COL6A6: variants seen among roughly 807,000 people sequenced by gnomAD.
The protein encoded by COL6A6 is collagen alpha-6(VI) chain.
A neutral mutation model predicts 208.6 loss-of-function variants in COL6A6; 183 were observed. That is an observed-to-expected ratio of 0.88 (90% confidence interval 0.78 to 0.99). The LOEUF is 0.99. Among genes scored for constraint, COL6A6 ranks in the 50% least tolerant of loss-of-function variants. The pLI is 0.00. For synonymous variants in COL6A6, 973 were observed against 1,011.8 expected (o/e 0.96, Z 0.73); for missense variants, 2,816 against 2,815.2 (o/e 1.00, Z -0.01).
intron 31 of COL6A6, among the ~76,000 whole-genome samples, chr3:130,644,063 T>C (rs969204604): frequency 6.6e-6 from 1 of 152,152 alleles, no homozygotes; most frequent in Admixed American, 6.5e-5. Flanking sequence ...TATTTTAAAA[T>C]TTAAGGGACT....
rs2065935049 is a variant in COL6A6 at position 130,661,675 on chromosome 3, C to G, written c.5869C>G (p.Pro1957Ala). 1 of 1,613,580 alleles carries G rather than the reference C, an allele frequency of 6.2e-7. No homozygotes were observed. Among genetic ancestry groups the G allele is most frequent in the African/African-American group, 1.3e-5 (1 of 74,920 alleles). Reference sequence around the variant, plus strand: ...AGATGCTTCTTGTGACCAAGCCAGACCACCCCCTGTGCAGTCTTACATGGA... The same window carrying G: ...AGATGCTTCTTGTGACCAAGCCAGAGCACCCCCTGTGCAGTCTTACATGGA... ...KPDASCDQAR[P>A]PPVQSYMDAA... is the part of the protein sequence containing the mutation. The change falls in exon 35 of 37, where the codon CCA (proline) becomes GCA (alanine). Residue 1957 changes from proline (P) to alanine (A), a missense_variant. Transcript: ENST00000358511.
chr3:130,643,200 A>G (rs991879568), intron 31 of COL6A6, among the ~76,000 whole-genome samples, 177 bp downstream of exon 31: 1 of 152,220 alleles, frequency 6.6e-6, no homozygotes, highest in Non-Finnish European at 1.5e-5. Flanking sequence ...GGTTGCTATC[A>G]TGTCTATTGA....
At position 130,657,127 on chromosome 3, in the gene COL6A6, C is replaced by T. The variant is rs1000128798; in HGVS notation, c.5734-1549C>T. ...GGGTCTGGAGCCACAGCTGGATGGC[C>T]GCAGCTGCATTCAAGGAGCAGGAGG... On this transcript the variant is annotated intron_variant, in intron 33 of 36. Transcript: ENST00000358511. Among the ~76,000 whole-genome samples, 7 of 152,244 alleles carry T rather than the reference C, an allele frequency of 4.6e-5. No homozygotes were observed. The East Asian group carries it at 9.6e-4, about 21-fold the overall frequency.
chr3:130,583,659 G>C (rs1271775116), intron 10 of COL6A6, among the ~76,000 whole-genome samples: 2 of 152,164 alleles, frequency 1.3e-5, no homozygotes, highest in Non-Finnish European at 2.9e-5. Context: ...CTAGTTCTTT[G>C]AAAGTGACCA....
In COL6A6 at chr3:130,563,161, T is replaced by G. The variant is rs188822314; in HGVS notation, c.158T>G (p.Met53Arg). Residue 53 changes from methionine to arginine, a missense_variant, in exon 3 of 37, where the codon ATG becomes AGG. By Grantham distance (91) the Met-to-Arg change is moderately conservative. Transcript: ENST00000358511. ...FPFVKMFITK[M>R]ISSLPIEADK... ...TTTGTGAAAATGTTCATCACCAAAATGATCAGCAGTCTCCCCATAGAGGCC... is the reference window on the plus strand; with the variant it reads ...TTTGTGAAAATGTTCATCACCAAAAGGATCAGCAGTCTCCCCATAGAGGCC... 8.1e-6 allele frequency: 13 copies of G among 1,614,016 alleles called. No homozygotes were observed. The Admixed American group carries it at 2.2e-4, about 27-fold the overall frequency.
At chr3:130,598,775 G>A (rs1576301539) in intron 19 of COL6A6, among the ~76,000 whole-genome samples, 3 of 152,146 alleles carry the variant, frequency 2.0e-5, no homozygotes, top group Admixed American at 6.5e-5. Context: ...CCAGTATCTG[G>A]AGGTAACATA....
At chr3:130,634,214 TA>T (rs1354015565) in intron 26 of COL6A6, among the ~76,000 whole-genome samples, 2 of 26,802 alleles carry the variant, frequency 7.5e-5, no homozygotes, top group Admixed American at 7.6e-4. Context: ...AAAAAAAAAA[TA>T]AATAAATAAA....
chr3:130,586,679 G>C lies in COL6A6; in HGVS notation c.4125+19G>C. ...GCAGCTGGTAAGTTATTCTGAAAAG[G>C]CTGGTGAGCTTAAATTTTCAATTAT... On this transcript the variant is annotated intron_variant, in intron 11 of 36. Transcript: ENST00000358511. 1.3e-6 allele frequency: 2 copies of C among 1,595,930 alleles called. No homozygotes were observed. Among genetic ancestry groups the C allele is most frequent in the Non-Finnish European group, 1.7e-6 (2 of 1,173,828 alleles).
chr3:130,593,112 CCT>C lies in COL6A6; in HGVS notation c.4416+8_4416+9del. 2.5e-6 allele frequency: 4 copies of C among 1,613,126 alleles called. No homozygotes were observed. The highest frequency in any genetic ancestry group is 3.4e-6 in the Non-Finnish European group (4 of 1,179,154). ...CGGATTAAACGGAGAACAGGTAGAG[CCT>C]TCTTGTACCATAGAGACCCTTCTGA... On this transcript the variant is annotated splice_region_variant and intron_variant, in intron 16 of 36. Coordinates refer to ENST00000358511, the MANE Select transcript of COL6A6 (RefSeq NM_001102608.3).
rs2066346613 is a variant in COL6A6, at chr3:130,675,853, G to A, written c.*456G>A. 6.6e-6 allele frequency: 1 copy of A among 152,498 alleles called. No individual in the cohort carries two copies. Among genetic ancestry groups the A allele is most frequent in the African/African-American group, 2.4e-5 (1 of 41,408 alleles). The allele number at this position is 152,498 out of a possible 1,614,324, so 9.4% of individuals were successfully genotyped here. On this transcript the variant is annotated 3_prime_UTR_variant, in exon 37 of 37. Coordinates refer to ENST00000358511, the MANE Select transcript of COL6A6 (RefSeq NM_001102608.3). ...TACTCCAAAATTTATCCTAGAAATG[G>A]ATGCTGTTTATATGTCGTATTTTTT...
Position 130,581,774 on chromosome 3 carries a change from T to A in COL6A6, c.3761T>A (p.Phe1254Tyr), listed in dbSNP as rs2108003906. 6.2e-7 allele frequency: 1 copy of A among 1,613,676 alleles called. No homozygotes were observed. The highest frequency in any genetic ancestry group is 1.6e-4 in the Middle Eastern group (1 of 6,062). ...GCCATGGAAAAATATTCTCCCAAGT[T>A]TGAGATCTACAGTGAAAACATACTG... Reference protein sequence around the residue: ...TNAMEKYSPKFEIYSENILNS... With the variant: ...TNAMEKYSPKYEIYSENILNS... The change falls in exon 9 of 37, where the codon TTT becomes TAT. Residue 1254 changes from phenylalanine (F) to tyrosine (Y), a missense_variant. Coordinates refer to ENST00000358511, the MANE Select transcript of COL6A6 (RefSeq NM_001102608.3).
chr3:130,651,799 G>T (rs2065652595), intron 33 of COL6A6, among the ~76,000 whole-genome samples: 1 of 152,170 alleles, frequency 6.6e-6, no homozygotes, highest in South Asian at 2.1e-4. Flanking sequence ...GATGCAAATT[G>T]TGATATAAAC....
At chr3:130,642,769 G>C in intron 29 of COL6A6, 63 bp from the exon 30 acceptor site, 1 of 1,438,862 alleles carries the variant, frequency 6.9e-7, no homozygotes, top group African/African-American at 1.4e-5. Context: ...CAATGTTGGT[G>C]CACACTGGCT....
At chr3:130,638,707 TTCCAAC>T (rs2065226258) in intron 28 of COL6A6, among the ~76,000 whole-genome samples, 2 of 152,066 alleles carry the variant, frequency 1.3e-5, no homozygotes, top group Non-Finnish European at 2.9e-5. Context: ...GGATTGGATA[TTCCAAC>T]AGTTCTGGGT....
In COL6A6 at chr3:130,593,004, T is replaced by C. The variant is rs563662446; in HGVS notation, c.4372-57T>C. The C allele has an allele frequency of 4.5e-5, 67 of 1,500,780 alleles. No homozygotes were observed. The East Asian group carries it at 1.5e-3, about 33-fold the overall frequency. The allele number at this position is 1,500,780 out of a possible 1,614,324, so 93.0% of individuals were successfully genotyped here. A position where few individuals can be genotyped will look rare whatever the true frequency, so the allele number is the denominator to read the frequency against. ...AAAAATAGAGTTTTTGTTTGGCATCTGACTTCTTTACACATGCACGTGATG... is the reference window on the plus strand; with the variant it reads ...AAAAATAGAGTTTTTGTTTGGCATCCGACTTCTTTACACATGCACGTGATG... On this transcript the variant is annotated intron_variant, in intron 15 of 36. Coordinates refer to ENST00000358511, the MANE Select transcript of COL6A6 (RefSeq NM_001102608.3).
intron 35 of COL6A6, among the ~76,000 whole-genome samples, chr3:130,664,488 A>C (rs1240490041): frequency 6.6e-6 from 1 of 152,250 alleles, no homozygotes; most frequent in Non-Finnish European, 1.5e-5. Context: ...TTAAATCTTT[A>C]CATGGTATAA....
chr3:130,649,568 A>T lies in COL6A6; in HGVS notation c.5733+6A>T. ...CGGTCAGGCGCGCATTTGCGGTATGAGGATGAAACCTTTCACATGACAATT... is the reference window on the plus strand; with the variant it reads ...CGGTCAGGCGCGCATTTGCGGTATGTGGATGAAACCTTTCACATGACAATT... On this transcript the variant is annotated splice_donor_region_variant and intron_variant, in intron 33 of 36. Coordinates refer to ENST00000358511, the MANE Select transcript of COL6A6 (RefSeq NM_001102608.3). 6.4e-7 allele frequency: 1 copy of T among 1,566,062 alleles called. No individual in the cohort carries two copies. Among genetic ancestry groups the T allele is most frequent in the Admixed American group, 1.8e-5 (1 of 55,698 alleles).
chr3:130,529,548 G>A (rs1458372290), intron 1 of COL6A6, among the ~76,000 whole-genome samples: 2 of 152,070 alleles, frequency 1.3e-5, no homozygotes, highest in African/African-American at 4.8e-5. Flanking sequence ...GTCCCCTCTG[G>A]GCCTTTCCAG....
chr3:130,599,782 C>T lies in COL6A6; in HGVS notation c.4625C>T (p.Pro1542Leu), dbSNP rs865905649. 2 of 1,613,626 alleles carry T rather than the reference C, an allele frequency of 1.2e-6. No homozygotes were observed. Among genetic ancestry groups the T allele is most frequent in the Non-Finnish European group, 1.7e-6 (2 of 1,179,796 alleles). ...GGCAGAAGAGGCTGGCCAGGCCCCC[C>T]CGGGACACCAGGCTCCAGAAGAAAG... The part of the protein sequence containing the change: ...RQGRRGWPGP[P>L]GTPGSRRKTA... Residue 1542 changes from proline (P) to leucine (L), a missense_variant, in exon 20 of 37, where the codon CCC (proline) becomes CTC (leucine). Pro to Leu is a moderately conservative substitution (Grantham distance 98, BLOSUM62 -3). Transcript: ENST00000358511.
Sources: allele counts gnomAD v4.1 joint callset (sites outside exome capture counted in the v4.1 genomes callset), GRCh38; gene constraint gnomAD v4.1.1; transcripts MANE v1.5; gene names NCBI Gene and HGNC (gene_info 2026-07-23, HGNC 2026-07-21).